Variants in CORIN observed in about 807,000 individuals in gnomAD.
CORIN encodes the protein corin, serine peptidase.
In CORIN, 117 loss-of-function variants were observed where a neutral mutation model predicts 125.3. The observed-to-expected ratio is 0.93, with a 90% CI of 0.80 to 1.09. The LOEUF (loss-of-function observed/expected upper bound fraction) is 1.09, where lower values mean the gene tolerates loss of function less well. Among genes scored for constraint, CORIN ranks in the 50% least tolerant of loss-of-function variants. The pLI is 0.00. For missense variants in CORIN, 1,253 were observed against 1,306.7 expected (o/e 0.96, Z 0.63); for synonymous variants, 450 against 466.4 (o/e 0.96, Z 0.45).
At chr4:47,625,842 T>A (rs1722532823) in intron 17 of CORIN, among the ~76,000 whole-genome samples, 1 of 152,200 alleles carries the variant, frequency 6.6e-6, no homozygotes, top group South Asian at 2.1e-4. Flanking sequence ...ATTACCTAGC[T>A]GTGTGCCTAT....
chr4:47,744,625 C>G (rs1366654694), intron 4 of CORIN, 42 bp from the exon 5 acceptor site: 1 of 1,514,264 alleles, frequency 6.6e-7, no homozygotes, highest in Admixed American at 2.2e-5. Flanking sequence ...AGTGTCTTTA[C>G]AGAATAGGTT....
At chr4:47,705,280 G>A (rs1726495787) in intron 5 of CORIN, among the ~76,000 whole-genome samples, 1 of 152,144 alleles carries the variant, frequency 6.6e-6, no homozygotes, top group African/African-American at 2.4e-5. Context: ...TTTTGCAAAC[G>A]TGAAGTCTAA....
intron 17 of CORIN, among the ~76,000 whole-genome samples, chr4:47,625,212 C>T (rs1447676189): frequency 6.6e-6 from 1 of 152,076 alleles, no homozygotes; most frequent in Non-Finnish European, 1.5e-5. Flanking sequence ...TTCTACATCC[C>T]CTCAAAGCCT....
rs566399854 is a variant in CORIN, at chr4:47,777,224, C to A, written c.409+9501G>T. Among the ~76,000 whole-genome samples, 4 of 152,292 alleles carry A rather than the reference C, an allele frequency of 2.6e-5. No individual in the cohort carries two copies. The South Asian group carries it at 8.3e-4, about 32-fold the overall frequency. ...AAATGGTGCTTCACAGAATATTAAC[C>A]TAGATTCTCCAAAATTTGAGACATC... On this transcript the variant is annotated intron_variant, in intron 3 of 21. Coordinates refer to ENST00000273857, the MANE Select transcript of CORIN (RefSeq NM_006587.4).
At chr4:47,735,459 G>A (rs4513534) in intron 5 of CORIN, among the ~76,000 whole-genome samples, 23,477 of 151,896 alleles carry the variant, frequency 0.15, 2,013 homozygotes, top group East Asian at 0.3. Flanking sequence ...AGTGTACTTC[G>A]GAAATTTCTG....
rs573261292 is a variant in CORIN, at chr4:47,648,797, C to A, written c.1844-3603G>T. 3.3e-5 allele frequency among the ~76,000 whole-genome samples: 5 copies of A among 152,266 alleles called. No homozygotes were observed. In the South Asian group the frequency reaches 6.2e-4, roughly 19 times the overall value. On this transcript the variant is annotated intron_variant, in intron 13 of 21. Transcript: ENST00000273857. The stretch of plus-strand genomic sequence containing the variant: ...AGGTAATACTGCATTATTGAGCTGA[C>A]AAAGGCTGGAACAGTCTGGATCCAG...
intron 5 of CORIN, chr4:47,706,540 C>A: frequency 6.2e-7 from 1 of 1,610,968 alleles, no homozygotes; most frequent in Non-Finnish European, 8.5e-7. Context: ...CAAGGCCAAG[C>A]AAGGTTACGT....
At chr4:47,684,973 A>G (rs1174233353) in intron 6 of CORIN, among the ~76,000 whole-genome samples, 1 of 152,188 alleles carries the variant, frequency 6.6e-6, no homozygotes, top group Non-Finnish European at 1.5e-5. Flanking sequence ...ACAAGAAGAT[A>G]TAACTACACA....
rs538769772 is a variant in CORIN at position 47,639,148 on chromosome 4, C to A, written c.2198+2772G>T. Among the ~76,000 whole-genome samples the A allele has an allele frequency of 8.6e-5, 9 of 104,392 alleles. No individual in the cohort carries two copies. In the South Asian group the frequency reaches 2.4e-3, roughly 28 times the overall value. The allele number at this position is 104,392 out of a possible 152,430, so 68.5% of individuals were successfully genotyped here. A position where few individuals can be genotyped will look rare whatever the true frequency, so the allele number is the denominator to read the frequency against. ...GAATTAGGGTATGCTGGTTCCGGAC[C>A]CTACATACACACTACAATGCCGTTC... On this transcript the variant is annotated intron_variant, in intron 16 of 21. Transcript: ENST00000273857.
At chr4:47,737,996 T>TAA (rs35645880) in intron 5 of CORIN, among the ~76,000 whole-genome samples, 7,202 of 148,292 alleles carry the variant, frequency 0.049, 520 homozygotes, top group African/African-American at 0.16. Flanking sequence ...GGGGTGTTTC[T>TAA]AAAAAAAAAA....
At chr4:47,797,343 T>G (rs1391370668) in intron 2 of CORIN, among the ~76,000 whole-genome samples, 1 of 151,674 alleles carries the variant, frequency 6.6e-6, no homozygotes, top group African/African-American at 2.4e-5. Flanking sequence ...AAAGTGACAC[T>G]TGTTGTCACA....
chr4:47,626,301 T>C (rs969163158), intron 17 of CORIN, 104 bp downstream of exon 17: 25 of 735,478 alleles, frequency 3.4e-5, no homozygotes, highest in Non-Finnish European at 5.9e-5. Flanking sequence ...TTTACTGATA[T>C]GACAAATTTG....
intron 6 of CORIN, among the ~76,000 whole-genome samples, chr4:47,688,027 C>A (rs542705870): frequency 1.3e-5 from 2 of 152,246 alleles, no homozygotes; most frequent in South Asian, 2.1e-4. Flanking sequence ...GCCAGTAGCA[C>A]CTCCCTCCAC....
intron 5 of CORIN, among the ~76,000 whole-genome samples, chr4:47,714,053 G>A (rs1198798953): frequency 1.3e-5 from 2 of 152,076 alleles, no homozygotes; most frequent in African/African-American, 4.8e-5. Context: ...TTTACCAATG[G>A]AACTGGGTTC....
intron 13 of CORIN, among the ~76,000 whole-genome samples, chr4:47,646,043 C>CAAAAAAAAAAAAAA (rs1165408037): frequency 1.0e-5 from 1 of 98,496 alleles, no homozygotes; most frequent in Non-Finnish European, 2.0e-5. Context: ...CCACCTGTCT[C>CAAAAAAAAAAAAAA]AAAAAAAAAA....
Position 47,837,836 on chromosome 4 carries a change from T to G in CORIN, c.63+51A>C, listed in dbSNP as rs766408655. ...GGGCTGACCCTGAATTCACCGGGAC[T>G]AAGAGGCCATCACACCTGGCTGCGG... On this transcript the variant is annotated intron_variant, in intron 1 of 21. Transcript: ENST00000273857. 4 of 1,508,972 alleles carry G rather than the reference T, an allele frequency of 2.7e-6. No homozygotes were observed. The East Asian group carries it at 6.8e-5, about 26-fold the overall frequency. 93.5% of individuals were successfully genotyped at this position (1,508,972 alleles called of 1,614,324 possible).
intron 19 of CORIN, among the ~76,000 whole-genome samples, chr4:47,622,227 A>G (rs1315851939): frequency 6.6e-6 from 1 of 151,906 alleles, no homozygotes. Context: ...TATGTGCTAC[A>G]TTTTCTTAAT....
intron 1 of CORIN, among the ~76,000 whole-genome samples, chr4:47,817,295 A>AAT (rs5858089): frequency 9.5e-5 from 14 of 147,996 alleles, no homozygotes; most frequent in Admixed American, 1.4e-4. Context: ...TATATAACAA[A>AAT]ATATATATAT....
intron 3 of CORIN, among the ~76,000 whole-genome samples, chr4:47,781,120 C>A (rs1322463337): frequency 6.6e-6 from 1 of 151,920 alleles, no homozygotes; most frequent in Non-Finnish European, 1.5e-5. Flanking sequence ...TTTTTTCAAT[C>A]AAAAGACAGA....
Sources: allele counts gnomAD v4.1 joint callset (sites outside exome capture counted in the v4.1 genomes callset), GRCh38; gene constraint gnomAD v4.1.1; transcripts MANE v1.5; gene names NCBI Gene and HGNC (gene_info 2026-07-23, HGNC 2026-07-21).